The following ZDHHC21 variants were observed in gnomAD, a reference collection of about 807,000 sequenced individuals.
ZDHHC21 encodes the protein zDHHC palmitoyltransferase 21.
Under a neutral mutation model 34.6 loss-of-function variants are expected in ZDHHC21, and 15 were observed. The observed-to-expected ratio is 0.43, with a 90% confidence interval of 0.29 to 0.67. ZDHHC21 has a LOEUF of 0.67. ZDHHC21 is among the 30% of genes least tolerant of loss of function. ZDHHC21 has a pLI of 0.14. For missense variants in ZDHHC21, 344 were observed against 327.7 expected (o/e 1.05, Z -0.38); for synonymous variants, 142 against 101.8 (o/e 1.40, Z -2.38).
chr9:14,622,488 G>A (rs944579789), intron 8 of ZDHHC21: 1 of 980,700 alleles, frequency 1.0e-6, no homozygotes, highest in Non-Finnish European at 1.2e-6. Context: ...AGGTTGCAGG[G>A]GGGTGGGATA....
chr9:14,606,763 A>G (rs1564156046), downstream of ZDHHC21, among the ~76,000 whole-genome samples: 1 of 152,152 alleles, frequency 6.6e-6, no homozygotes, highest in Non-Finnish European at 1.5e-5. Context: ...AATACCCAGG[A>G]AATATATTAA....
chr9:14,674,472 T>C (rs942252336), intron 3 of ZDHHC21, 87 bp from the exon 4 acceptor site: 2 of 721,288 alleles, frequency 2.8e-6, no homozygotes, highest in Non-Finnish European at 4.4e-6. Flanking sequence ...TAAAATGACA[T>C]TGAGTTTTCT....
At chr9:14,653,438 C>A (rs1831612638) in intron 7 of ZDHHC21, among the ~76,000 whole-genome samples, 1 of 151,928 alleles carries the variant, frequency 6.6e-6, no homozygotes, top group Non-Finnish European at 1.5e-5. Context: ...TACAAAAGAA[C>A]TGCTGAAGTA....
the ZDHHC21 span, among the ~76,000 whole-genome samples, chr9:14,600,052 C>T: frequency 2.0e-5 from 3 of 152,172 alleles, no homozygotes; most frequent in Non-Finnish European, 2.9e-5. Flanking sequence ...CAATATCATG[C>T]TGAATGGGCA....
intron 8 of ZDHHC21, among the ~76,000 whole-genome samples, chr9:14,633,797 G>GTACA (rs1300308326): frequency 6.6e-6 from 1 of 152,176 alleles, no homozygotes; most frequent in Non-Finnish European, 1.5e-5. Context: ...CCAGGCTGAA[G>GTACA]TACAAGCAAA....
At chr9:14,656,678 C>T (rs1193397307) in intron 7 of ZDHHC21, among the ~76,000 whole-genome samples, 2 of 151,978 alleles carry the variant, frequency 1.3e-5, no homozygotes, top group Admixed American at 6.5e-5. Flanking sequence ...CACTACTAGA[C>T]ACAAGTAACT....
At chr9:14,594,339 C>T in the ZDHHC21 span, 2 of 152,144 alleles carry the variant, frequency 1.3e-5, no homozygotes, top group Non-Finnish European at 2.9e-5. Flanking sequence ...TATAAAGCTA[C>T]AGAGTGGTAT....
intron 7 of ZDHHC21, among the ~76,000 whole-genome samples, chr9:14,646,489 T>G (rs576573247): frequency 6.6e-6 from 1 of 152,046 alleles, no homozygotes; most frequent in Non-Finnish European, 1.5e-5. Flanking sequence ...CAAAAATTTG[T>G]CAAATAAGAC....
At position 14,618,198 on chromosome 9, in the gene ZDHHC21, C is replaced by A. The variant is rs182578308; in HGVS notation, c.*768G>T. 46 of 152,604 alleles carry A rather than the reference C, an allele frequency of 3.0e-4. No individual in the cohort carries two copies. Among genetic ancestry groups the A allele is most frequent in the African/African-American group, 1.1e-3 (45 of 41,560 alleles). 9.5% of individuals were successfully genotyped at this position (152,604 alleles called of 1,614,324 possible). ...AGGATAAAATAGGAATACATGCCCA[C>A]TGGTCAGGAGTTCTCCTGGGAGCAA... On this transcript the variant is annotated 3_prime_UTR_variant, in exon 10 of 10. Coordinates refer to ENST00000380916, the MANE Select transcript of ZDHHC21 (RefSeq NM_178566.6).
rs555413882 is a variant in ZDHHC21, at chr9:14,669,595, G to A, written c.253+3235C>T. Among the ~76,000 whole-genome samples the A allele has an allele frequency of 6.0e-3, 883 of 146,026 alleles. 15 individuals are homozygous for A. The highest frequency in any genetic ancestry group is 0.021 in the African/African-American group (836 of 39,710). On this transcript the variant is annotated intron_variant, in intron 5 of 9. Transcript: ENST00000380916. ...CATTATTCACAATAGCAAAGACTTGGAACCAACCCAAATGTCCAACAATGA... is the reference window on the plus strand; with the variant it reads ...CATTATTCACAATAGCAAAGACTTGAAACCAACCCAAATGTCCAACAATGA...
Position 14,674,343 on chromosome 9 carries a change from T to C in ZDHHC21, c.-3A>G. 6.3e-7 allele frequency: 1 copy of C among 1,592,824 alleles called. No homozygotes were observed. The highest frequency in any genetic ancestry group is 1.2e-5 in the South Asian group (1 of 86,460). On this transcript the variant is annotated 5_prime_UTR_variant, in exon 4 of 10. Transcript: ENST00000380916. ...ACAAAGTGAATCCGGAGACCCATTT[T>C]GCAATCTTATAACTGCCTGCTAACC...
At chr9:14,591,554 C>T in the ZDHHC21 span, among the ~76,000 whole-genome samples, 10 of 152,242 alleles carry the variant, frequency 6.6e-5, no homozygotes, top group African/African-American at 2.4e-4. Context: ...AATAATCAAA[C>T]AGCAAGATGA....
At chr9:14,683,344 G>A (rs1177045080) in intron 2 of ZDHHC21, among the ~76,000 whole-genome samples, 2 of 151,918 alleles carry the variant, frequency 1.3e-5, no homozygotes, top group Admixed American at 1.3e-4. Flanking sequence ...TCAAATAGAC[G>A]CAATAAAAAA....
At chr9:14,595,895 A>G in the ZDHHC21 span, among the ~76,000 whole-genome samples, 1 of 152,256 alleles carries the variant, frequency 6.6e-6, no homozygotes, top group East Asian at 1.9e-4. Context: ...GATACACTAG[A>G]GTGGCTAAAA....
At chr9:14,649,766 G>A (rs989203120) in intron 7 of ZDHHC21, among the ~76,000 whole-genome samples, 5 of 152,078 alleles carry the variant, frequency 3.3e-5, no homozygotes, top group African/African-American at 1.2e-4. Context: ...GTTCATGGCT[G>A]AGGGTGAAGT....
At chr9:14,672,419 AG>A (rs1160864170) in intron 5 of ZDHHC21, among the ~76,000 whole-genome samples, 1 of 152,102 alleles carries the variant, frequency 6.6e-6, no homozygotes, top group East Asian at 1.9e-4. Flanking sequence ...TTCGTAACAA[AG>A]GTGAATAAAA....
chr9:14,655,317 G>C (rs1831997103), intron 7 of ZDHHC21, among the ~76,000 whole-genome samples: 1 of 151,956 alleles, frequency 6.6e-6, no homozygotes, highest in Non-Finnish European at 1.5e-5. Flanking sequence ...CCAACACTGA[G>C]AGAATTTGTT....
the ZDHHC21 span, among the ~76,000 whole-genome samples, chr9:14,605,045 T>C: frequency 0.059 from 8,991 of 152,240 alleles, 314 homozygotes; most frequent in Admixed American, 0.12. Flanking sequence ...ATTTCCTTCC[T>C]TTTCTATGGC....
chr9:14,628,906 A>T lies in ZDHHC21; in HGVS notation c.622-9224T>A, dbSNP rs1433156228. ...ACTTTTAAATAATCAAGCCTCAAAG[A>T]ATCTTAAATCAATGTGAGGAAGAGT... On this transcript the variant is annotated intron_variant, in intron 8 of 9. Transcript: ENST00000380916. Among the ~76,000 whole-genome samples, 5 of 152,190 alleles carry T rather than the reference A, an allele frequency of 3.3e-5. No individual in the cohort carries two copies. In the East Asian group the frequency reaches 9.6e-4, roughly 29 times the overall value.
Sources: gnomAD v4.1 joint callset for allele counts (sites outside exome capture counted in the v4.1 genomes callset) on GRCh38, gnomAD v4.1.1 for gene constraint, MANE v1.5 for transcripts, NCBI Gene and HGNC (gene_info 2026-07-23, HGNC 2026-07-21) for gene names.